The following MAP3K14 variants were observed in gnomAD, a reference collection of about 807,000 sequenced individuals.
MAP3K14 encodes mitogen-activated protein kinase kinase kinase 14, also known as NF-kappa-beta-inducing kinase.
MAP3K14 carries 16 observed loss-of-function variants against 99.2 expected under a neutral mutation model. The ratio of observed to expected loss-of-function variants is 0.16; its 90% confidence interval spans 0.11 to 0.24. MAP3K14 has a LOEUF of 0.24. Ranked by LOEUF, MAP3K14 falls within the 10% of genes least tolerant of loss-of-function variation. MAP3K14 has a pLI of 1.00. For missense variants in MAP3K14, 784 were observed against 1,208.7 expected (o/e 0.65, Z 5.21); for synonymous variants, 462 against 492.4 (o/e 0.94, Z 0.82).
intron 1 of MAP3K14, among the ~76,000 whole-genome samples, chr17:45,315,865 A>T (rs1222988645): frequency 2.0e-5 from 3 of 152,214 alleles, no homozygotes; most frequent in Non-Finnish European, 4.4e-5. Flanking sequence ...CACAGGTATG[A>T]AGACACTAAG....
chr17:45,308,202 A>G (rs895518177), intron 1 of MAP3K14, among the ~76,000 whole-genome samples: 4 of 152,230 alleles, frequency 2.6e-5, no homozygotes, highest in African/African-American at 7.2e-5. Flanking sequence ...CAAGTCTTGT[A>G]CTTTCACTCA....
intron 6 of MAP3K14, chr17:45,281,832 T>G (rs2044226031): frequency 6.6e-6 from 1 of 151,706 alleles, no homozygotes. Flanking sequence ...TTAGTAGAGA[T>G]GGGGTTTCAC....
intron 6 of MAP3K14, among the ~76,000 whole-genome samples, chr17:45,278,815 G>C (rs1057212964): frequency 4.6e-5 from 7 of 151,930 alleles, no homozygotes; most frequent in Non-Finnish European, 7.4e-5. Flanking sequence ...AAGTAGCTGA[G>C]ACTATAGGTG....
rs374376396 is a variant in MAP3K14, at chr17:45,286,574, G to A, written c.1009C>T (p.Leu337=). 6.6e-4 allele frequency: 1,071 copies of A among 1,611,348 alleles called. No homozygotes were observed. Among genetic ancestry groups the A allele is most frequent in the Admixed American group, 1.7e-3 (99 of 59,584 alleles). ...ACGCTGCCTTGCAGAGCATGCACTA[G>A]GTATTCCTCCACAGAAAACTTCTCA... ...AHEKFSVEEY[L]VHALQGSVSS... Residue 337 remains leucine (L), a synonymous_variant, in exon 5 of 16, where the codon CTA becomes TTA. Transcript: ENST00000344686. This position sits in a 1 kb window ranked among gnomAD's most constrained non-coding sequence, Gnocchi z 4.1.
At chr17:45,274,399 G>C in intron 7 of MAP3K14, 65 bp downstream of exon 7, 1 of 1,601,306 alleles carries the variant, frequency 6.2e-7, no homozygotes, top group Middle Eastern at 1.7e-4. Context: ...AGGCCAACTT[G>C]GGCAAGACTC....
intron 1 of MAP3K14, among the ~76,000 whole-genome samples, chr17:45,299,543 C>A (rs1229074503): frequency 6.6e-6 from 1 of 152,160 alleles, no homozygotes; most frequent in Non-Finnish European, 1.5e-5. Flanking sequence ...CATGTGATCC[C>A]TGGGACATAG....
chr17:45,264,135 G>A lies in MAP3K14; in HGVS notation c.*501C>T. On this transcript the variant is annotated 3_prime_UTR_variant, in exon 16 of 16. Transcript: ENST00000344686. ...CAGGTGAGGCCAGGCAAGGGGTTTA[G>A]AGGGCCCCCTTAACCTACGGGCGGG... is the stretch of plus-strand genomic sequence containing the variant. The A allele has an allele frequency of 6.5e-6, 1 of 153,372 alleles. No individual in the cohort carries two copies. Among genetic ancestry groups the A allele is most frequent in the Non-Finnish European group, 1.5e-5 (1 of 68,754 alleles). 9.5% of individuals were successfully genotyped at this position (153,372 alleles called of 1,614,324 possible).
At chr17:45,270,741 A>G in intron 10 of MAP3K14, 178 bp from the exon 11 acceptor site, 1 of 970,842 alleles carries the variant, frequency 1.0e-6, no homozygotes, top group Non-Finnish European at 1.5e-6. Flanking sequence ...GGACAAATGG[A>G]GCCAGTAAAA....
chr17:45,312,368 G>C (rs887826417), intron 1 of MAP3K14, among the ~76,000 whole-genome samples: 1 of 152,154 alleles, frequency 6.6e-6, no homozygotes, highest in Non-Finnish European at 1.5e-5. Flanking sequence ...CATGAGGCTT[G>C]ACATCCGGTG....
At chr17:45,285,352 A>G (rs1169266238) in intron 5 of MAP3K14, among the ~76,000 whole-genome samples, 1 of 152,146 alleles carries the variant, frequency 6.6e-6, no homozygotes, top group Non-Finnish European at 1.5e-5. Flanking sequence ...GGGGCCAGGC[A>G]TGGTGGCTCA....
chr17:45,303,741 C>CT (rs77134550), intron 1 of MAP3K14, among the ~76,000 whole-genome samples: 3,264 of 142,108 alleles, frequency 0.023, 135 homozygotes, highest in African/African-American at 0.075. Flanking sequence ...TAGTTTGGGA[C>CT]TTTTTTTTTT....
chr17:45,269,308 G>A (rs548211886), intron 11 of MAP3K14, among the ~76,000 whole-genome samples: 2 of 152,088 alleles, frequency 1.3e-5, no homozygotes, highest in Admixed American at 6.6e-5. Flanking sequence ...CACTGCTCCC[G>A]GCCTGTCTTT....
At chr17:45,314,883 G>T (rs956486548) in intron 1 of MAP3K14, among the ~76,000 whole-genome samples, 1 of 152,098 alleles carries the variant, frequency 6.6e-6, no homozygotes, top group Non-Finnish European at 1.5e-5. Context: ...GCCTTCACAG[G>T]CCAAAGTGAT....
At chr17:45,268,502 C>G (rs1598241869) in intron 11 of MAP3K14, 1 of 152,136 alleles carries the variant, frequency 6.6e-6, no homozygotes, top group Admixed American at 6.5e-5. Context: ...ATCCTTCCAC[C>G]TCAATCTTCT....
chr17:45,308,308 T>G (rs2044445529), intron 1 of MAP3K14, among the ~76,000 whole-genome samples: 1 of 152,130 alleles, frequency 6.6e-6, no homozygotes. Context: ...TTGAAACCCT[T>G]GAAAGGCCTT....
chr17:45,313,428 C>A (rs1220139741), intron 1 of MAP3K14, among the ~76,000 whole-genome samples: 2 of 152,120 alleles, frequency 1.3e-5, no homozygotes, highest in African/African-American at 4.8e-5. Context: ...TCAAAACAGC[C>A]CCATGAAGTA....
At chr17:45,316,412 G>A (rs1038383616) in intron 1 of MAP3K14, among the ~76,000 whole-genome samples, 1 of 152,240 alleles carries the variant, frequency 6.6e-6, no homozygotes, top group Non-Finnish European at 1.5e-5. Flanking sequence ...ACTGGGGTCC[G>A]AGGGCGGAGG....
chr17:45,271,409 G>A (rs374373661), intron 9 of MAP3K14, among the ~76,000 whole-genome samples, 188 bp from the exon 10 acceptor site: 2 of 152,114 alleles, frequency 1.3e-5, no homozygotes, highest in East Asian at 1.9e-4. Context: ...ACAATGGCGC[G>A]ATCTTGGCTC....
intron 1 of MAP3K14, among the ~76,000 whole-genome samples, chr17:45,308,671 CTT>C (rs904247220): frequency 2.5e-4 from 34 of 138,324 alleles, no homozygotes; most frequent in Admixed American, 3.6e-4. Flanking sequence ...CCCAGCTAAT[CTT>C]TTTTTTTTTT....
Sources: allele counts gnomAD v4.1 joint callset (sites outside exome capture counted in the v4.1 genomes callset), GRCh38; gene constraint gnomAD v4.1.1; non-coding constraint Gnocchi (gnomAD v3.1); transcripts MANE v1.5; gene names NCBI Gene and HGNC (gene_info 2026-07-23, HGNC 2026-07-21).